The following SPTAN1 variants were observed in gnomAD, a reference collection of about 807,000 sequenced individuals.
SPTAN1 encodes the protein spectrin alpha chain, non-erythrocytic 1.
Under a neutral mutation model 331.3 loss-of-function variants are expected in SPTAN1, and 61 were observed. The ratio of observed to expected loss-of-function variants is 0.18; its 90% CI spans 0.15 to 0.23. SPTAN1 has a LOEUF of 0.23. SPTAN1 is among the 10% of genes least tolerant of loss of function. The pLI is 1.00. For missense variants in SPTAN1, 2,043 were observed against 3,147.9 expected (o/e 0.65, Z 8.40); for synonymous variants, 1,153 against 1,173.9 (o/e 0.98, Z 0.36).
At position 128,625,745 on chromosome 9, in the gene SPTAN1, AT is replaced by A; in HGVS notation, c.6070-22del. The stretch of plus-strand genomic sequence containing the variant: ...TTCCAGTCCTGTGGAGTCACCACAA[AT>A]TGGCTTGTCACTCCTTGTTCAGGAA... On this transcript the variant is annotated intron_variant, in intron 47 of 56. Coordinates refer to ENST00000372739, the MANE Select transcript of SPTAN1 (RefSeq NM_001130438.3). This position sits in a 1 kb window ranked among gnomAD's most constrained non-coding sequence, Gnocchi z 4.1. 1.2e-6 allele frequency: 2 copies of A among 1,612,508 alleles called. No homozygotes were observed. Among genetic ancestry groups the A allele is most frequent in the Non-Finnish European group, 1.7e-6 (2 of 1,179,342 alleles).
Position 128,631,862 on chromosome 9 carries a change from C to T in SPTAN1, c.6763-265C>T, listed in dbSNP as rs529125437. ...TTTGGCCACTGCTTCCTGGAGTCCT[C>T]GCCGTACTTGTCCTTGGCGTGCACT... is the stretch of plus-strand genomic sequence containing the variant. On this transcript the variant is annotated intron_variant, in intron 52 of 56. Transcript: ENST00000372739. 8.1e-5 allele frequency: 42 copies of T among 517,498 alleles called. 1 individual carries two copies. The highest frequency in any genetic ancestry group is 4.1e-4 in the South Asian group (18 of 44,390). 32.1% of individuals were successfully genotyped at this position (517,498 alleles called of 1,614,324 possible).
chr9:128,617,362 G>A (rs1237823568), intron 41 of SPTAN1, among the ~76,000 whole-genome samples: 2 of 151,758 alleles, frequency 1.3e-5, no homozygotes, highest in African/African-American at 2.4e-5. Flanking sequence ...AATTTGATAG[G>A]GCTCCTCAGG....
intron 30 of SPTAN1, 42 bp downstream of exon 30, chr9:128,605,220 C>T: frequency 6.2e-7 from 1 of 1,613,962 alleles, no homozygotes; most frequent in Non-Finnish European, 8.5e-7. Flanking sequence ...CATTTTTGCC[C>T]CAGAAAGAGC....
intron 1 of SPTAN1, among the ~76,000 whole-genome samples, chr9:128,560,194 C>A (rs1358068908): frequency 6.6e-6 from 1 of 151,046 alleles, no homozygotes; most frequent in African/African-American, 2.4e-5. Context: ...GGCAATTCTC[C>A]TGCCTCAGCC....
At chr9:128,560,395 T>G (rs1308478459) in intron 1 of SPTAN1, among the ~76,000 whole-genome samples, 33 of 150,696 alleles carry the variant, frequency 2.2e-4, no homozygotes, top group African/African-American at 7.6e-4. Context: ...TTTTTTTTTT[T>G]TTTGACACGG....
intron 40 of SPTAN1, 61 bp from the exon 41 acceptor site, chr9:128,615,571 A>G (rs1307288464): frequency 6.3e-7 from 1 of 1,575,330 alleles, no homozygotes; most frequent in Admixed American, 1.7e-5. Context: ...CTGAGTTCTT[A>G]TGTTCAAGCA....
rs769668578 is a variant in SPTAN1 at position 128,578,137 on chromosome 9, T to C, written c.1113T>C (p.Arg371=). Residue 371 remains arginine (R), a synonymous_variant, in exon 9 of 57, where the codon CGT becomes CGC. Transcript: ENST00000372739. ...YRLQRFLADF[R]DLTSWVTEMK... ...TTCAACGCTTCCTTGCTGACTTCCG[T>C]GACCTCACCAGCTGGGTGACTGAGA... 1 of 1,614,232 alleles carries C rather than the reference T, an allele frequency of 6.2e-7. No individual in the cohort carries two copies. Among genetic ancestry groups the C allele is most frequent in the Admixed American group, 1.7e-5 (1 of 60,024 alleles).
rs138303805 is a variant in SPTAN1, at chr9:128,615,582, G to C, written c.5149-50G>C. ...ATTCCTGAGTTCTTATGTTCAAGCAGATAGCTGTGGGAGACCCAGTTTCTG... is the reference window on the plus strand; with the variant it reads ...ATTCCTGAGTTCTTATGTTCAAGCACATAGCTGTGGGAGACCCAGTTTCTG... On this transcript the variant is annotated intron_variant, in intron 40 of 56. Coordinates refer to ENST00000372739, the MANE Select transcript of SPTAN1 (RefSeq NM_001130438.3). The C allele has an allele frequency of 1.5e-4, 232 of 1,598,162 alleles. 2 individuals carry two copies. In the East Asian group the frequency reaches 5.0e-3, roughly 35 times the overall value.
intron 31 of SPTAN1, among the ~76,000 whole-genome samples, chr9:128,605,807 C>T (rs1246787873): frequency 6.6e-6 from 1 of 151,968 alleles, no homozygotes. Context: ...GCCTGGCCAA[C>T]ATGGCGAAAT....
At chr9:128,573,648 G>A (rs7043517) in intron 3 of SPTAN1, among the ~76,000 whole-genome samples, 37,835 of 151,894 alleles carry the variant, frequency 0.25, 5,449 homozygotes, top group Non-Finnish European at 0.34. Flanking sequence ...GTAGAGACGG[G>A]TTTCACCATG....
chr9:128,608,063 T>G lies in SPTAN1; in HGVS notation c.4344+14T>G, dbSNP rs1856120222. ...CTTGAACTGCAGGTGTGTGTGCTCCTGGTTTCTGACCAAGTGTTTCCTTGC... is the reference window on the plus strand; with the variant it reads ...CTTGAACTGCAGGTGTGTGTGCTCCGGGTTTCTGACCAAGTGTTTCCTTGC... On this transcript the variant is annotated intron_variant, in intron 33 of 56. Coordinates refer to ENST00000372739, the MANE Select transcript of SPTAN1 (RefSeq NM_001130438.3). The G allele has an allele frequency of 6.2e-7, 1 of 1,614,072 alleles. No individual in the cohort carries two copies. The highest frequency in any genetic ancestry group is 1.3e-5 in the African/African-American group (1 of 74,926).
rs117190550 is a variant in SPTAN1, at chr9:128,620,924, G to T, written c.5734-234G>T. On this transcript the variant is annotated intron_variant, in intron 44 of 56. Transcript: ENST00000372739. Reference sequence around the variant, plus strand: ...TCCCAAAGGTCCAAAGACTGTCCCTGCTGAAGCCTGTCCCACCACTGCTGG... The same window carrying T: ...TCCCAAAGGTCCAAAGACTGTCCCTTCTGAAGCCTGTCCCACCACTGCTGG... Among the ~76,000 whole-genome samples, 1,910 of 152,256 alleles carry T rather than the reference G, an allele frequency of 0.013. 25 individuals are homozygous for T. The highest frequency in any genetic ancestry group is 0.062 in the South Asian group (297 of 4,818).
At chr9:128,609,036 C>T (rs572803488) in intron 35 of SPTAN1, 59 bp downstream of exon 35, 23 of 1,613,254 alleles carry the variant, frequency 1.4e-5, no homozygotes, top group South Asian at 4.4e-5. Context: ...TCCCCTCATA[C>T]GAAGGCCCAG....
intron 15 of SPTAN1, among the ~76,000 whole-genome samples, 170 bp from the exon 16 acceptor site, chr9:128,583,618 G>A (rs1852211675): frequency 1.3e-5 from 2 of 152,138 alleles, no homozygotes; most frequent in Admixed American, 1.3e-4. Context: ...GTTCAACCTT[G>A]AGAAGGTAGA....
At chr9:128,583,337 T>G (rs929464986) in intron 15 of SPTAN1, 56 bp downstream of exon 15, 2 of 1,547,428 alleles carry the variant, frequency 1.3e-6, no homozygotes, top group Non-Finnish European at 1.8e-6. Flanking sequence ...AAATACCCCT[T>G]TCTATTAAGT....
Position 128,617,664 on chromosome 9 carries a change from A to C in SPTAN1, c.5382A>C (p.Ser1794=), listed in dbSNP as rs1359210582. 3 of 1,614,180 alleles carry C rather than the reference A, an allele frequency of 1.9e-6. No homozygotes were observed. Among genetic ancestry groups the C allele is most frequent in the Non-Finnish European group, 2.5e-6 (3 of 1,180,012 alleles). The change falls in exon 42 of 57, where the codon TCA becomes TCC. Residue 1794 remains serine (S), a synonymous_variant. Transcript: ENST00000372739. The part of the protein sequence containing the change: ...WIKEKKLLVG[S]EDYGRDLTGV... ...GGGAGAAGAAGCTGCTGGTGGGCTCAGAGGACTACGGCCGGGACCTAACCG... is the reference window on the plus strand; with the variant it reads ...GGGAGAAGAAGCTGCTGGTGGGCTCCGAGGACTACGGCCGGGACCTAACCG...
chr9:128,588,986 C>T (rs1188498878), intron 21 of SPTAN1, 43 bp downstream of exon 21: 5 of 1,610,036 alleles, frequency 3.1e-6, no homozygotes, highest in Non-Finnish European at 4.2e-6. Flanking sequence ...CACGCTGGCA[C>T]CTCCACGTAT....
intron 2 of SPTAN1, 84 bp from the exon 3 acceptor site, chr9:128,568,688 A>G (rs1589154777): frequency 1.3e-6 from 2 of 1,583,386 alleles, no homozygotes; most frequent in East Asian, 4.5e-5. Flanking sequence ...AGGATTGAGG[A>G]GGGGAGGAAC....
chr9:128,562,980 ATACATGTATGTG>A (rs1455010807), intron 1 of SPTAN1, among the ~76,000 whole-genome samples: 7 of 27,658 alleles, frequency 2.5e-4, no homozygotes, highest in East Asian at 4.2e-3. Flanking sequence ...AAATATATAT[ATACATGTATGTG>A]TATATATATA....
Sources: allele counts gnomAD v4.1 joint callset (sites outside exome capture counted in the v4.1 genomes callset), GRCh38; gene constraint gnomAD v4.1.1; non-coding constraint Gnocchi (gnomAD v3.1); transcripts MANE v1.5; gene names NCBI Gene and HGNC (gene_info 2026-07-23, HGNC 2026-07-21).